Variants in EYS observed in about 807,000 individuals in gnomAD.
EYS encodes the protein EGF-like photoreceptor maintenance factor.
Under a neutral mutation model 282.1 loss-of-function variants are expected in EYS, and 250 were observed. The ratio of observed to expected loss-of-function variants is 0.89; its 90% CI spans 0.80 to 0.98. EYS has a LOEUF of 0.98. Among genes scored for constraint, EYS ranks in the 50% least tolerant of loss-of-function variants. The pLI is 0.00. For missense variants in EYS, 4,016 were observed against 3,709.0 expected (o/e 1.08, Z -2.15); for synonymous variants, 1,355 against 1,282.9 (o/e 1.06, Z -1.20).
intron 22 of EYS, among the ~76,000 whole-genome samples, chr6:64,803,429 G>A (rs576588642): frequency 6.6e-6 from 1 of 152,156 alleles, no homozygotes; most frequent in East Asian, 1.9e-4. Context: ...TGTGCTGATT[G>A]GCCATGGTTG....
chr6:64,960,969 C>T (rs1769893065), intron 14 of EYS, among the ~76,000 whole-genome samples: 1 of 152,124 alleles, frequency 6.6e-6, no homozygotes, highest in Admixed American at 6.6e-5. Flanking sequence ...CATCCATATC[C>T]CTGCAAAGAC....
At chr6:63,996,004 T>C (rs114632150) in intron 34 of EYS, among the ~76,000 whole-genome samples, 3,679 of 147,672 alleles carry the variant, frequency 0.025, 128 homozygotes, top group African/African-American at 0.076. Context: ...GCTAATTTGC[T>C]GAATTTGATC....
intron 12 of EYS, among the ~76,000 whole-genome samples, chr6:65,096,045 A>T (rs912381865): frequency 2.6e-5 from 4 of 150,956 alleles, no homozygotes; most frequent in African/African-American, 9.7e-5. Context: ...TATGTAGAAA[A>T]CCCTAATGAT....
At chr6:65,430,239 A>G (rs1026863746) in intron 5 of EYS, among the ~76,000 whole-genome samples, 2 of 152,146 alleles carry the variant, frequency 1.3e-5, no homozygotes, top group Non-Finnish European at 1.5e-5. Flanking sequence ...TTTTAACTTC[A>G]TATCACTGAA....
chr6:65,497,171 G>A (rs961381534), intron 2 of EYS, among the ~76,000 whole-genome samples: 1 of 151,910 alleles, frequency 6.6e-6, no homozygotes, highest in Admixed American at 6.6e-5. Context: ...GTAAATTTGA[G>A]CTCAATCTAT....
At chr6:65,124,026 T>C (rs1775645812) in intron 12 of EYS, among the ~76,000 whole-genome samples, 1 of 151,604 alleles carries the variant, frequency 6.6e-6, no homozygotes, top group African/African-American at 2.4e-5. Context: ...CAGACAAAAA[T>C]TGGCAGGGCT....
At chr6:64,242,666 T>C (rs565781315) in intron 30 of EYS, among the ~76,000 whole-genome samples, 2 of 151,958 alleles carry the variant, frequency 1.3e-5, no homozygotes, top group South Asian at 4.1e-4. Flanking sequence ...CGGCCTGGAA[T>C]GTCTTCCTCT....
At chr6:65,271,349 C>G (rs1421076016) in intron 12 of EYS, among the ~76,000 whole-genome samples, 1 of 151,108 alleles carries the variant, frequency 6.6e-6, no homozygotes, top group East Asian at 2.0e-4. Flanking sequence ...ATCGATGTCT[C>G]AGCTCACACA....
At chr6:64,489,156 T>G (rs1186411389) in intron 26 of EYS, among the ~76,000 whole-genome samples, 1 of 150,886 alleles carries the variant, frequency 6.6e-6, no homozygotes, top group African/African-American at 2.4e-5. Flanking sequence ...TATGGAGAGA[T>G]TTATTAGAGA....
At chr6:63,980,072 A>G (rs1406778711) in intron 35 of EYS, among the ~76,000 whole-genome samples, 2 of 151,940 alleles carry the variant, frequency 1.3e-5, no homozygotes, top group African/African-American at 4.8e-5. Context: ...ACAAATATCC[A>G]TTGTAACAGT....
intron 33 of EYS, among the ~76,000 whole-genome samples, chr6:64,026,248 T>C (rs565731290): frequency 2.0e-5 from 3 of 151,930 alleles, no homozygotes; most frequent in Non-Finnish European, 2.9e-5. Context: ...TCTGCTGCTG[T>C]GTTGGTGAGT....
chr6:64,812,186 C>T (rs115148647), intron 22 of EYS, among the ~76,000 whole-genome samples: 3,785 of 150,614 alleles, frequency 0.025, 154 homozygotes, highest in African/African-American at 0.085. Context: ...TACAAAAGTA[C>T]GATAAACAGA....
chr6:64,398,691 T>C (rs1237595424), intron 28 of EYS, among the ~76,000 whole-genome samples: 3 of 151,956 alleles, frequency 2.0e-5, no homozygotes, highest in Non-Finnish European at 2.9e-5. Flanking sequence ...AGAAAATATT[T>C]ACACATATTC....
At chr6:65,380,892 G>C (rs774531937) in intron 8 of EYS, among the ~76,000 whole-genome samples, 15 of 152,110 alleles carry the variant, frequency 9.9e-5, no homozygotes, top group Non-Finnish European at 1.6e-4. Flanking sequence ...GGTCATTAGA[G>C]AAATGCAAAT....
At chr6:65,033,600 A>C (rs1282336833) in intron 13 of EYS, among the ~76,000 whole-genome samples, 2 of 152,160 alleles carry the variant, frequency 1.3e-5, no homozygotes, top group Admixed American at 6.6e-5. Flanking sequence ...GGTGGAATCC[A>C]TATGGTGTTA....
At chr6:64,173,049 G>T (rs531894256) in intron 31 of EYS, among the ~76,000 whole-genome samples, 58 of 152,244 alleles carry the variant, frequency 3.8e-4, no homozygotes, top group African/African-American at 1.3e-3. Flanking sequence ...ATGGTGAGCA[G>T]CAGGGACTGA....
intron 1 of EYS, among the ~76,000 whole-genome samples, chr6:65,691,962 G>A (rs1341608566): frequency 6.7e-6 from 1 of 149,544 alleles, no homozygotes; most frequent in Non-Finnish European, 1.5e-5. Flanking sequence ...ACCAGTACAA[G>A]TTACCTCACT....
At chr6:64,092,214 G>A (rs1014666568) in intron 31 of EYS, among the ~76,000 whole-genome samples, 18 of 152,240 alleles carry the variant, frequency 1.2e-4, no homozygotes, top group East Asian at 5.8e-4. Context: ...ATAAACATAC[G>A]TGTGCATGTG....
At chr6:65,095,635 A>T (rs558829792) in intron 12 of EYS, among the ~76,000 whole-genome samples, 1 of 151,246 alleles carries the variant, frequency 6.6e-6, no homozygotes, top group African/African-American at 2.4e-5. Flanking sequence ...TCACTGGTGA[A>T]CTCTACCAGA....
Sources: allele counts gnomAD v4.1 joint callset (sites outside exome capture counted in the v4.1 genomes callset), GRCh38; gene constraint gnomAD v4.1.1; transcripts MANE v1.5; gene names NCBI Gene and HGNC (gene_info 2026-07-23, HGNC 2026-07-21).